The following DENND5B variants were observed in gnomAD, a reference collection of about 807,000 sequenced individuals.
The protein encoded by DENND5B is DENN domain-containing protein 5B.
Under a neutral mutation model 140.6 loss-of-function variants are expected in DENND5B, and 34 were observed. The observed-to-expected ratio is 0.24, with a 90% CI of 0.18 to 0.32. The LOEUF (loss-of-function observed/expected upper bound fraction) is 0.32, where lower values mean the gene tolerates loss of function less well. Among genes scored for constraint, DENND5B ranks in the 10% least tolerant of loss-of-function variants. The pLI, the probability that DENND5B is intolerant of heterozygous loss-of-function variation, is 1.00. For missense variants in DENND5B, 1,142 were observed against 1,560.2 expected, an observed-to-expected ratio of 0.73 and a Z score of 4.52; for synonymous variants, 551 against 562.1, an observed-to-expected ratio of 0.98 and a Z score of 0.28.
At chr12:31,469,646 G>A (rs1334350435) in intron 3 of DENND5B, among the ~76,000 whole-genome samples, 2 of 152,198 alleles carry the variant, frequency 1.3e-5, no homozygotes, top group African/African-American at 2.4e-5. Flanking sequence ...ATGTGGCCTG[G>A]TGCTACGGTT....
intron 4 of DENND5B, among the ~76,000 whole-genome samples, chr12:31,455,929 G>T (rs903650973): frequency 6.6e-6 from 1 of 152,182 alleles, no homozygotes; most frequent in Non-Finnish European, 1.5e-5. Flanking sequence ...TGAGGCAGGA[G>T]AATCACTTGA....
At chr12:31,466,545 T>A (rs1236255601) in intron 3 of DENND5B, among the ~76,000 whole-genome samples, 2 of 151,644 alleles carry the variant, frequency 1.3e-5, no homozygotes, top group Non-Finnish European at 2.9e-5. Flanking sequence ...ATACAAAAAT[T>A]AGCTGGGCAT....
At chr12:31,410,286 G>A (rs1036549658) in intron 13 of DENND5B, among the ~76,000 whole-genome samples, 1 of 151,992 alleles carries the variant, frequency 6.6e-6, no homozygotes, top group Non-Finnish European at 1.5e-5. Context: ...GATGAAATGG[G>A]GCAAAGATTT....
chr12:31,415,539 C>A (rs1942691391), intron 11 of DENND5B, 91 bp from the exon 12 acceptor site: 3 of 995,762 alleles, frequency 3.0e-6, no homozygotes, highest in African/African-American at 1.7e-5. Context: ...TCGATAAGAA[C>A]AAATTTTAAC....
intron 1 of DENND5B, among the ~76,000 whole-genome samples, chr12:31,538,534 A>C (rs143663273): frequency 0.011 from 1,748 of 152,274 alleles, 23 homozygotes; most frequent in African/African-American, 0.04. Context: ...AAGAACTAGA[A>C]AAGCAAGAGC....
intron 1 of DENND5B, among the ~76,000 whole-genome samples, chr12:31,560,856 G>C (rs1164087492): frequency 6.6e-6 from 1 of 152,086 alleles, no homozygotes; most frequent in Admixed American, 6.6e-5. Flanking sequence ...ACTTTCTTAA[G>C]TCTTTGTTCA....
At chr12:31,555,548 G>C (rs1401529466) in intron 1 of DENND5B, among the ~76,000 whole-genome samples, 1 of 152,190 alleles carries the variant, frequency 6.6e-6, no homozygotes, top group Non-Finnish European at 1.5e-5. Flanking sequence ...ATCTCAAGCT[G>C]CATGCTGGGA....
At chr12:31,540,924 G>C in intron 1 of DENND5B, 1 of 431,824 alleles carries the variant, frequency 2.3e-6, no homozygotes, top group South Asian at 1.7e-5. Context: ...ACTCACTTTA[G>C]ACAAAGGTGC....
At chr12:31,516,485 A>C (rs1947654963) in intron 1 of DENND5B, among the ~76,000 whole-genome samples, 1 of 151,362 alleles carries the variant, frequency 6.6e-6, no homozygotes, top group Non-Finnish European at 1.5e-5. Context: ...CTCAAAAAAA[A>C]AAAAAAAAAA....
intron 1 of DENND5B, among the ~76,000 whole-genome samples, chr12:31,581,920 A>G (rs1018475427): frequency 5.3e-5 from 8 of 152,284 alleles, no homozygotes; most frequent in African/African-American, 1.7e-4. Flanking sequence ...TCTCCCGTAC[A>G]CTTTAAGTCA....
chr12:31,441,380 C>T (rs2947175), intron 7 of DENND5B, among the ~76,000 whole-genome samples: 140,231 of 152,084 alleles, frequency 0.92, 65,239 homozygotes, highest in East Asian at 0.99. Context: ...AGAGACAGGG[C>T]CTTCCTATGT....
chr12:31,413,810 T>G (rs1942589112), intron 12 of DENND5B, among the ~76,000 whole-genome samples: 1 of 152,264 alleles, frequency 6.6e-6, no homozygotes, highest in African/African-American at 2.4e-5. Context: ...TTAACACTTA[T>G]TCACTCTTTC....
intron 3 of DENND5B, among the ~76,000 whole-genome samples, chr12:31,478,198 T>C (rs1945908977): frequency 6.6e-6 from 1 of 152,138 alleles, no homozygotes; most frequent in Non-Finnish European, 1.5e-5. Context: ...TTATGTTGGA[T>C]AAACTGAAGA....
At chr12:31,494,138 TTCTATCTA>T (rs58109707) in intron 2 of DENND5B, among the ~76,000 whole-genome samples, 2,216 of 139,582 alleles carry the variant, frequency 0.016, 56 homozygotes, top group South Asian at 0.021. Context: ...TCTCTCTATC[TTCTATCTA>T]TCTATCTATC....
intron 1 of DENND5B, among the ~76,000 whole-genome samples, chr12:31,500,164 C>G (rs1441722781): frequency 1.3e-5 from 2 of 152,094 alleles, no homozygotes; most frequent in Non-Finnish European, 2.9e-5. Flanking sequence ...AATTTTGGAG[C>G]ATTTTAGATC....
intron 1 of DENND5B, among the ~76,000 whole-genome samples, chr12:31,498,802 GTC>G (rs1426030961): frequency 1.3e-5 from 2 of 151,796 alleles, no homozygotes; most frequent in Admixed American, 6.6e-5. Context: ...CTGAAATCCT[GTC>G]TCTACTAAAA....
intron 13 of DENND5B, among the ~76,000 whole-genome samples, chr12:31,413,099 T>C (rs1942550419): frequency 6.6e-6 from 1 of 152,192 alleles, no homozygotes; most frequent in South Asian, 2.1e-4. Flanking sequence ...TTATTTTTTG[T>C]AGAGACGGGG....
At chr12:31,541,615 C>A (rs556609423) in intron 1 of DENND5B, among the ~76,000 whole-genome samples, 1 of 152,274 alleles carries the variant, frequency 6.6e-6, no homozygotes, top group Admixed American at 6.5e-5. Context: ...TAAATTAGTA[C>A]AACCACTATG....
At chr12:31,410,868 A>C (rs1942413222) in intron 13 of DENND5B, among the ~76,000 whole-genome samples, 1 of 152,232 alleles carries the variant, frequency 6.6e-6, no homozygotes, top group South Asian at 2.1e-4. Context: ...TACACTGTTA[A>C]GCTAATAAAA....
Sources: gnomAD v4.1 joint callset for allele counts (sites outside exome capture counted in the v4.1 genomes callset) on GRCh38, gnomAD v4.1.1 for gene constraint, MANE v1.5 for transcripts, NCBI Gene and HGNC (gene_info 2026-07-23, HGNC 2026-07-21) for gene names.